Variants in COX10 observed in about 807,000 individuals in gnomAD.
COX10 encodes protoheme IX farnesyltransferase, mitochondrial.
In COX10, 27 loss-of-function variants were observed where a neutral mutation model predicts 37.3. The ratio of observed to expected loss-of-function variants is 0.72; its 90% CI spans 0.53 to 1.00. The LOEUF (loss-of-function observed/expected upper bound fraction) is 1.00, where lower values mean the gene tolerates loss of function less well. Among genes scored for constraint, COX10 ranks in the 50% least tolerant of loss-of-function variants. COX10 has a pLI of 0.00. For missense variants in COX10, 475 were observed against 563.2 expected (o/e 0.84, Z 1.59); for synonymous variants, 222 against 229.1 (o/e 0.97, Z 0.28).
chr17:14,086,178 C>T (rs1046330101), intron 3 of COX10, among the ~76,000 whole-genome samples: 37 of 151,998 alleles, frequency 2.4e-4, no homozygotes, highest in African/African-American at 8.7e-4. Flanking sequence ...TTTTATGTAA[C>T]CAAAGGTATT....
chr17:14,169,082 C>T (rs952754332), intron 5 of COX10, among the ~76,000 whole-genome samples: 13 of 152,154 alleles, frequency 8.5e-5, no homozygotes, highest in Non-Finnish European at 1.8e-4. Context: ...ATGCATATGA[C>T]GGTACACCTT....
chr17:14,113,910 T>C (rs1431166991), intron 4 of COX10, among the ~76,000 whole-genome samples: 1 of 152,182 alleles, frequency 6.6e-6, no homozygotes, highest in Non-Finnish European at 1.5e-5. Flanking sequence ...AATTCCAGCC[T>C]GCATTTATCT....
chr17:14,086,678 A>G lies in COX10; in HGVS notation c.499+9622A>G, dbSNP rs958715954. Among the ~76,000 whole-genome samples, 18 of 152,240 alleles carry G rather than the reference A, an allele frequency of 1.2e-4. 1 individual carries two copies. The highest frequency in any genetic ancestry group is 1.2e-3 in the Admixed American group (18 of 15,288). On this transcript the variant is annotated intron_variant, in intron 3 of 6. Coordinates refer to ENST00000261643, the MANE Select transcript of COX10 (RefSeq NM_001303.4). ...TCAGGAATACATCAAATAATGATTA[A>G]GTTTATCTCCTTTTTCATGTTTATG...
intron 1 of COX10, among the ~76,000 whole-genome samples, chr17:14,069,919 C>T (rs940388753): frequency 6.6e-6 from 1 of 152,132 alleles, no homozygotes; most frequent in East Asian, 1.9e-4. Flanking sequence ...TTTAGGTTTT[C>T]AGATAGTGGA....
intron 3 of COX10, among the ~76,000 whole-genome samples, chr17:14,085,407 T>G (rs1033570178): frequency 6.6e-6 from 1 of 152,214 alleles, no homozygotes; most frequent in Non-Finnish European, 1.5e-5. Flanking sequence ...TTTTAAAGGT[T>G]GATAGTATTC....
At chr17:14,141,469 G>T (rs1160881566) in intron 4 of COX10, among the ~76,000 whole-genome samples, 1 of 141,110 alleles carries the variant, frequency 7.1e-6, no homozygotes, top group Non-Finnish European at 1.5e-5. Context: ...GGCAGAGGTT[G>T]CAGTGAGCTG....
intron 2 of COX10, 134 bp downstream of exon 2, chr17:14,074,590 T>G: frequency 1.2e-6 from 1 of 867,464 alleles, no homozygotes; most frequent in East Asian, 2.5e-5. Context: ...GTCCTTAAAT[T>G]TATCCAAATG....
chr17:14,088,708 CA>C (rs1413054430), intron 3 of COX10, among the ~76,000 whole-genome samples: 1 of 152,064 alleles, frequency 6.6e-6, no homozygotes, highest in Non-Finnish European at 1.5e-5. Flanking sequence ...ATGACTTAAA[CA>C]AGTAAAGGGT....
intron 4 of COX10, among the ~76,000 whole-genome samples, chr17:14,114,156 C>T (rs2142208182): frequency 6.6e-6 from 1 of 152,212 alleles, no homozygotes; most frequent in South Asian, 2.1e-4. Flanking sequence ...TCTTAATCAT[C>T]CTTTCCCTCA....
intron 4 of COX10, among the ~76,000 whole-genome samples, 177 bp downstream of exon 4, chr17:14,102,419 A>G (rs1023213687): frequency 6.6e-6 from 1 of 152,120 alleles, no homozygotes; most frequent in African/African-American, 2.4e-5. Flanking sequence ...TTTGAGGTGA[A>G]TGGTTTTCAG....
At chr17:14,144,828 CA>C (rs1340669005) in intron 4 of COX10, among the ~76,000 whole-genome samples, 1 of 151,912 alleles carries the variant, frequency 6.6e-6, no homozygotes, top group South Asian at 2.1e-4. Flanking sequence ...TTCTCTCTCC[CA>C]AATGCTAACC....
At chr17:14,123,577 TA>T (rs1916271489) in intron 4 of COX10, among the ~76,000 whole-genome samples, 1 of 152,176 alleles carries the variant, frequency 6.6e-6, no homozygotes, top group Non-Finnish European at 1.5e-5. Flanking sequence ...ATACAAATCA[TA>T]AAATTAGGAA....
At chr17:14,073,657 A>G (rs1915080077) in intron 1 of COX10, among the ~76,000 whole-genome samples, 1 of 152,214 alleles carries the variant, frequency 6.6e-6, no homozygotes, top group Non-Finnish European at 1.5e-5. Flanking sequence ...GAGAAATAGA[A>G]TGCAGAGAAC....
chr17:14,158,739 G>A (rs372428377), intron 4 of COX10, among the ~76,000 whole-genome samples: 1 of 152,124 alleles, frequency 6.6e-6, no homozygotes, highest in Non-Finnish European at 1.5e-5. Flanking sequence ...AGATTTTATT[G>A]TGCTCATATG....
chr17:14,141,151 G>A (rs928842132), intron 4 of COX10, among the ~76,000 whole-genome samples: 3 of 151,700 alleles, frequency 2.0e-5, no homozygotes, highest in East Asian at 1.9e-4. Context: ...ATCTGAAACC[G>A]TTCGAAAATA....
intron 4 of COX10, among the ~76,000 whole-genome samples, chr17:14,115,531 T>C (rs1206311473): frequency 1.3e-5 from 2 of 152,136 alleles, no homozygotes; most frequent in Non-Finnish European, 2.9e-5. Flanking sequence ...CACTACTGGG[T>C]ATCTACCCAA....
intron 4 of COX10, among the ~76,000 whole-genome samples, chr17:14,112,672 G>A (rs1428804403): frequency 1.3e-5 from 2 of 152,152 alleles, no homozygotes; most frequent in African/African-American, 4.8e-5. Context: ...TGAAGGTCAC[G>A]AAAGCTTCTC....
At chr17:14,123,975 T>A (rs1431405949) in intron 4 of COX10, among the ~76,000 whole-genome samples, 1 of 152,184 alleles carries the variant, frequency 6.6e-6, no homozygotes, top group Non-Finnish European at 1.5e-5. Flanking sequence ...TACCCAGCTG[T>A]GAAACTAGGC....
intron 5 of COX10, among the ~76,000 whole-genome samples, chr17:14,162,394 G>C (rs1465818822): frequency 1.3e-5 from 2 of 152,104 alleles, no homozygotes; most frequent in African/African-American, 4.8e-5. Flanking sequence ...CCCTTCATCA[G>C]AGAATAAAAG....
Sources: gnomAD v4.1 joint callset for allele counts (sites outside exome capture counted in the v4.1 genomes callset) on GRCh38, gnomAD v4.1.1 for gene constraint, MANE v1.5 for transcripts, NCBI Gene and HGNC (gene_info 2026-07-23, HGNC 2026-07-21) for gene names.